PRIM2: variants seen among roughly 807,000 people sequenced by gnomAD.
PRIM2 encodes DNA primase subunit 2.
PRIM2 carries 39 observed loss-of-function variants against 67.3 expected under a neutral mutation model. The observed-to-expected ratio is 0.58, with a 90% CI of 0.45 to 0.76. The LOEUF (loss-of-function observed/expected upper bound fraction) is 0.76. PRIM2 is among the 30% of genes least tolerant of loss of function. The pLI is 0.00. For synonymous variants in PRIM2, 143 were observed against 198.7 expected (o/e 0.72, Z 2.36); for missense variants, 398 against 598.7 (o/e 0.66, Z 3.50).
the PRIM2 span, among the ~76,000 whole-genome samples, chr6:57,269,596 T>C: frequency 6.6e-6 from 1 of 152,132 alleles, no homozygotes; most frequent in Non-Finnish European, 1.5e-5. Context: ...TTCACTCTGA[T>C]GGTAGTTTCT....
chr6:57,453,561 G>T (rs966922564), intron 7 of PRIM2, among the ~76,000 whole-genome samples: 1 of 152,128 alleles, frequency 6.6e-6, no homozygotes, highest in Non-Finnish European at 1.5e-5. Flanking sequence ...GTGAATGGGA[G>T]TTCACTCATG....
At chr6:57,224,018 C>A in the PRIM2 span, among the ~76,000 whole-genome samples, 1 of 152,226 alleles carries the variant, frequency 6.6e-6, no homozygotes, top group South Asian at 2.1e-4. Context: ...AAAATTTGTA[C>A]AACCATGTTT....
the PRIM2 span, among the ~76,000 whole-genome samples, chr6:57,269,713 T>C: frequency 6.6e-6 from 1 of 152,178 alleles, no homozygotes; most frequent in Non-Finnish European, 1.5e-5. Flanking sequence ...CCCATGCCTC[T>C]GTCCTGAATG....
intron 7 of PRIM2, among the ~76,000 whole-genome samples, chr6:57,432,048 T>C (rs1683864694): frequency 6.6e-6 from 1 of 152,202 alleles, no homozygotes. Flanking sequence ...TATGAATGTA[T>C]TCTAAGCCAA....
chr6:57,255,820 T>A, the PRIM2 span, among the ~76,000 whole-genome samples: 1 of 152,216 alleles, frequency 6.6e-6, no homozygotes. Flanking sequence ...TAGACTTTTT[T>A]AAGCCCTTAA....
the PRIM2 span, among the ~76,000 whole-genome samples, chr6:57,274,966 T>C: frequency 2.7e-5 from 4 of 150,216 alleles, no homozygotes; most frequent in Admixed American, 2.0e-4. Flanking sequence ...TTTGTATTTC[T>C]AGGAGAGACG....
At chr6:57,586,913 G>A (rs1177337220) in intron 10 of PRIM2, 1 of 152,086 alleles carries the variant, frequency 6.6e-6, no homozygotes, top group Non-Finnish European at 1.5e-5. Context: ...AACCTTAAAG[G>A]CAATCATCAG....
intron 10 of PRIM2, among the ~76,000 whole-genome samples, chr6:57,580,993 T>C (rs1776074797): frequency 6.6e-6 from 1 of 151,892 alleles, no homozygotes. Flanking sequence ...AGAAAATAAA[T>C]CTGGGAAAAT....
chr6:57,510,106 A>G (rs1774334459), intron 8 of PRIM2, among the ~76,000 whole-genome samples: 1 of 151,812 alleles, frequency 6.6e-6, no homozygotes, highest in Non-Finnish European at 1.5e-5. Context: ...CTTCTTCTGT[A>G]TTACAGAATT....
At chr6:57,282,196 ATTTC>A in the PRIM2 span, among the ~76,000 whole-genome samples, 7 of 151,946 alleles carry the variant, frequency 4.6e-5, no homozygotes, top group African/African-American at 1.7e-4. Flanking sequence ...GTCTGTGTAT[ATTTC>A]TTATTATTTT....
chr6:57,274,629 A>G, the PRIM2 span, among the ~76,000 whole-genome samples: 20 of 152,322 alleles, frequency 1.3e-4, no homozygotes, highest in East Asian at 3.9e-3. Context: ...CGCTGCACCC[A>G]CTGTCCTGCA....
At chr6:57,231,775 C>T in the PRIM2 span, among the ~76,000 whole-genome samples, 4 of 151,924 alleles carry the variant, frequency 2.6e-5, no homozygotes, top group Non-Finnish European at 5.9e-5. Flanking sequence ...ATGTGTATTT[C>T]CATGTGTAAC....
intron 7 of PRIM2, among the ~76,000 whole-genome samples, chr6:57,417,598 A>G (rs544307256): frequency 6.6e-6 from 1 of 152,326 alleles, no homozygotes; most frequent in African/African-American, 2.4e-5. Flanking sequence ...CACAAGACAC[A>G]CAATATTTCC....
rs1278925812 is a variant in PRIM2, at chr6:57,515,377, T to A, written c.761+7923T>A. Among the ~76,000 whole-genome samples, 5 of 152,278 alleles carry A rather than the reference T, an allele frequency of 3.3e-5. No individual in the cohort carries two copies. The East Asian group carries it at 9.6e-4, about 29-fold the overall frequency. On this transcript the variant is annotated intron_variant, in intron 8 of 13. Transcript: ENST00000615550. ...TGTAGAAGGAATTGCAACATAGATG[T>A]TTTCCAGCAGATCAGATGGAGATAA...
At chr6:57,641,494 A>T (rs1401568206) in intron 13 of PRIM2, among the ~76,000 whole-genome samples, 1 of 152,214 alleles carries the variant, frequency 6.6e-6, no homozygotes, top group Non-Finnish European at 1.5e-5. Context: ...TATCCATCTG[A>T]CAAAGGGCTA....
rs1247792642 is a variant in PRIM2, at chr6:57,407,799, G to A, written c.693+25631G>A. ...ATTGGCTTGCTGGATGATGATGGTG[G>A]TGGTAGTGGTGGTGAAGGCAGGTTT... On this transcript the variant is annotated intron_variant, in intron 7 of 13. Transcript: ENST00000615550. Among the ~76,000 whole-genome samples the A allele has an allele frequency of 7.9e-5, 12 of 152,306 alleles. No individual in the cohort carries two copies. The East Asian group carries it at 2.1e-3, about 27-fold the overall frequency.
chr6:57,523,705 G>A lies in PRIM2; in HGVS notation c.762-8706G>A, dbSNP rs1328851279. ...TCTTCTGCTAACAGTCAGTGCCACA[G>A]CATGAAAAGATTATTATTATTTTTC... On this transcript the variant is annotated intron_variant, in intron 8 of 13. Coordinates refer to ENST00000615550, the MANE Select transcript of PRIM2 (RefSeq NM_000947.5). Among the ~76,000 whole-genome samples, 303 of 151,846 alleles carry A rather than the reference G, an allele frequency of 2.0e-3. 1 individual carries two copies. Among genetic ancestry groups the A allele is most frequent in the African/African-American group, 6.9e-3 (287 of 41,368 alleles).
chr6:57,430,407 T>A (rs1771777919), intron 7 of PRIM2, among the ~76,000 whole-genome samples: 1 of 151,868 alleles, frequency 6.6e-6, no homozygotes, highest in Non-Finnish European at 1.5e-5. Flanking sequence ...GAAAGTAATT[T>A]TGTATGTAAT....
intron 12 of PRIM2, among the ~76,000 whole-genome samples, chr6:57,626,650 G>A (rs1205234574): frequency 7.3e-5 from 11 of 150,082 alleles, no homozygotes; most frequent in African/African-American, 2.7e-4. Context: ...TTAAAGACAG[G>A]GTCTCATTCT....
Sources: allele counts gnomAD v4.1 joint callset (sites outside exome capture counted in the v4.1 genomes callset), GRCh38; gene constraint gnomAD v4.1.1; transcripts MANE v1.5; gene names NCBI Gene and HGNC (gene_info 2026-07-23, HGNC 2026-07-21).